CDH23: variants seen among roughly 807,000 people sequenced by gnomAD.
CDH23 encodes the protein cadherin related 23, also known as cadherin-23.
A neutral mutation model predicts 317.1 loss-of-function variants in CDH23; 189 were observed. That is an observed-to-expected ratio of 0.60 (90% CI 0.53 to 0.67). The LOEUF (loss-of-function observed/expected upper bound fraction) is 0.67, where lower values mean the gene tolerates loss of function less well. CDH23 is among the 30% of genes least tolerant of loss of function. The probability of loss-of-function intolerance (pLI) is 0.00; values close to 1 mark genes in which losing one functional copy is unlikely to be tolerated. For missense variants in CDH23, 4,401 were observed against 4,592.4 expected (o/e 0.96, Z 1.20); for synonymous variants, 1,839 against 1,876.8 (o/e 0.98, Z 0.52).
chr10:71,641,815 A>T (rs1862563253), intron 11 of CDH23, among the ~76,000 whole-genome samples: 1 of 152,232 alleles, frequency 6.6e-6, no homozygotes, highest in South Asian at 2.1e-4. Context: ...ACAGTGGCTC[A>T]TGCCTGTAAT....
At chr10:71,515,778 T>C (rs1422157968) in intron 6 of CDH23, among the ~76,000 whole-genome samples, 1 of 152,218 alleles carries the variant, frequency 6.6e-6, no homozygotes, top group African/African-American at 2.4e-5. Context: ...CTGTGGCTTG[T>C]AGTGTATTCA....
At chr10:71,619,366 A>C (rs1204319285) in intron 11 of CDH23, among the ~76,000 whole-genome samples, 1 of 151,980 alleles carries the variant, frequency 6.6e-6, no homozygotes, top group African/African-American at 2.4e-5. Context: ...TTAATGTAGT[A>C]GTTTTAAAAG....
At chr10:71,671,326 A>G (rs1864137504) in intron 14 of CDH23, among the ~76,000 whole-genome samples, 1 of 151,910 alleles carries the variant, frequency 6.6e-6, no homozygotes, top group Admixed American at 6.6e-5. Context: ...CCCTTCCCCA[A>G]TCCCTGTCAC....
intron 9 of CDH23, among the ~76,000 whole-genome samples, chr10:71,580,924 A>G (rs3998530): frequency 0.41 from 61,530 of 151,796 alleles, 12,668 homozygotes; most frequent in African/African-American, 0.47. Context: ...GCATGAGCCT[A>G]AAGCAGGCTA....
intron 1 of CDH23, among the ~76,000 whole-genome samples, chr10:71,411,663 A>G: frequency 6.6e-6 from 1 of 152,312 alleles, no homozygotes; most frequent in South Asian, 2.1e-4. Context: ...AATAATAAGC[A>G]TACTTACTTC....
chr10:71,514,621 G>T (rs1854176122), intron 6 of CDH23, among the ~76,000 whole-genome samples: 1 of 152,112 alleles, frequency 6.6e-6, no homozygotes, highest in African/African-American at 2.4e-5. Flanking sequence ...GAGTTTGTTT[G>T]TTCTCGTTCC....
chr10:71,466,762 G>A (rs940356182), intron 3 of CDH23, among the ~76,000 whole-genome samples: 3 of 152,158 alleles, frequency 2.0e-5, no homozygotes, highest in South Asian at 2.1e-4. Flanking sequence ...GCCTTCTTGC[G>A]TGGTATGTGT....
intron 1 of CDH23, among the ~76,000 whole-genome samples, chr10:71,428,100 A>G (rs1849189730): frequency 6.6e-6 from 1 of 151,306 alleles, no homozygotes; most frequent in Admixed American, 6.6e-5. Flanking sequence ...CAGGAATTCC[A>G]ACTTTTGCAC....
intron 28 of CDH23, chr10:71,716,316 G>C: frequency 6.7e-7 from 1 of 1,498,316 alleles, no homozygotes; most frequent in Non-Finnish European, 8.9e-7. Context: ...GAGCTGGCGA[G>C]GCTGGGGCCC....
chr10:71,673,305 G>A (rs1031720946), intron 14 of CDH23, among the ~76,000 whole-genome samples: 13 of 152,200 alleles, frequency 8.5e-5, no homozygotes, highest in African/African-American at 3.1e-4. Flanking sequence ...CAGTGACCTG[G>A]AACTGAGGCC....
At chr10:71,528,223 A>G (rs1393832105) in intron 6 of CDH23, among the ~76,000 whole-genome samples, 1 of 151,976 alleles carries the variant, frequency 6.6e-6, no homozygotes, top group East Asian at 1.9e-4. Context: ...GTGACAAGAA[A>G]GACCATCCTG....
intron 1 of CDH23, among the ~76,000 whole-genome samples, chr10:71,409,033 C>T (rs1302296718): frequency 1.3e-5 from 2 of 152,182 alleles, no homozygotes; most frequent in Non-Finnish European, 2.9e-5. Context: ...GGCCTGATCA[C>T]AAGGTTTGTT....
chr10:71,787,436 A>T (rs1841135969), intron 44 of CDH23, among the ~76,000 whole-genome samples: 1 of 151,834 alleles, frequency 6.6e-6, no homozygotes, highest in Admixed American at 6.6e-5. Flanking sequence ...TGTACCCAAA[A>T]CTACCTATTA....
chr10:71,615,818 G>A lies in CDH23; in HGVS notation c.945+202G>A, dbSNP rs189162691. Among the ~76,000 whole-genome samples the A allele has an allele frequency of 1.6e-3, 249 of 152,350 alleles. 2 individuals are homozygous for A. The highest frequency in any genetic ancestry group is 5.8e-3 in the African/African-American group (240 of 41,596). On this transcript the variant is annotated intron_variant, in intron 10 of 69. Coordinates refer to ENST00000224721, the MANE Select transcript of CDH23 (RefSeq NM_022124.6). ...ACCCACGTTATGAAGTTGTAGGTGT[G>A]CTGGGCCTGCCGCATCCATCATCAA...
chr10:71,573,235 C>T (rs1857941705), intron 8 of CDH23, among the ~76,000 whole-genome samples: 1 of 152,212 alleles, frequency 6.6e-6, no homozygotes, highest in Admixed American at 6.5e-5. Flanking sequence ...GCTTCAGCTT[C>T]CTTTCAGAGT....
intron 34 of CDH23, among the ~76,000 whole-genome samples, chr10:71,735,324 TG>T (rs1426211663): frequency 2.6e-5 from 4 of 152,092 alleles, no homozygotes; most frequent in Non-Finnish European, 4.4e-5. Flanking sequence ...GACCATGTGC[TG>T]GGCCCCTGGG....
chr10:71,711,943 G>A (rs1242525912), intron 27 of CDH23: 1 of 152,158 alleles, frequency 6.6e-6, no homozygotes, highest in African/African-American at 2.4e-5. Flanking sequence ...AATTTGCCAC[G>A]ACAAACTACC....
chr10:71,657,331 T>C (rs1863460757), intron 14 of CDH23, among the ~76,000 whole-genome samples: 1 of 152,216 alleles, frequency 6.6e-6, no homozygotes, highest in Non-Finnish European at 1.5e-5. Flanking sequence ...TATGAAATAA[T>C]GTATGGCCAG....
intron 20 of CDH23, among the ~76,000 whole-genome samples, chr10:71,692,552 C>T (rs1865225072): frequency 6.6e-6 from 1 of 152,332 alleles, no homozygotes; most frequent in East Asian, 1.9e-4. Context: ...TTACTTGACA[C>T]CACCCTGGCA....
Sources: gnomAD v4.1 joint callset for allele counts (sites outside exome capture counted in the v4.1 genomes callset) on GRCh38, gnomAD v4.1.1 for gene constraint, MANE v1.5 for transcripts, NCBI Gene and HGNC (gene_info 2026-07-23, HGNC 2026-07-21) for gene names.